The following PPP1R37 variants were observed in gnomAD, a reference collection of about 807,000 sequenced individuals.
PPP1R37 encodes leucine rich repeat containing 68.
Under a neutral mutation model 61.0 loss-of-function variants are expected in PPP1R37, and 21 were observed. The ratio of observed to expected loss-of-function variants is 0.34; its 90% CI spans 0.24 to 0.50. The LOEUF is 0.50. PPP1R37 is among the 20% of genes least tolerant of loss of function. The pLI, the probability that PPP1R37 is intolerant of heterozygous loss-of-function variation, is 0.98. For missense variants in PPP1R37, 910 were observed against 952.7 expected, an observed-to-expected ratio of 0.96 and a Z score of 0.59; for synonymous variants, 443 against 433.5, an observed-to-expected ratio of 1.02 and a Z score of -0.27.
In PPP1R37 at chr19:45,123,121, A is replaced by G. The variant is rs551816323; in HGVS notation, c.203-15393A>G. ...TCCCCTCCCTCCCTCCCTCCATCATAGCCTTGATGCTGTTCTGCCACTGCC... is the reference window on the plus strand; with the variant it reads ...TCCCCTCCCTCCCTCCCTCCATCATGGCCTTGATGCTGTTCTGCCACTGCC... On this transcript the variant is annotated intron_variant, in intron 1 of 12. Transcript: ENST00000221462. Among the ~76,000 whole-genome samples the G allele has an allele frequency of 3.5e-3, 525 of 150,406 alleles. 4 individuals carry two copies. The highest frequency in any genetic ancestry group is 0.012 in the African/African-American group (503 of 40,758).
intron 3 of PPP1R37, 70 bp from the exon 4 acceptor site, chr19:45,140,436 G>A (rs1216133329): frequency 3.8e-6 from 5 of 1,304,994 alleles, no homozygotes; most frequent in African/African-American, 2.9e-5. Flanking sequence ...GAGGTTGGGG[G>A]CAGAGGGCCC....
At chr19:45,112,095 A>G (rs371553330) in intron 1 of PPP1R37, among the ~76,000 whole-genome samples, 1 of 151,812 alleles carries the variant, frequency 6.6e-6, no homozygotes, top group Non-Finnish European at 1.5e-5. Context: ...CAGCCTCCCA[A>G]ATCCCAGCTG....
intron 1 of PPP1R37, among the ~76,000 whole-genome samples, chr19:45,118,908 C>T (rs114108969): frequency 0.01 from 1,549 of 151,914 alleles, 23 homozygotes; most frequent in African/African-American, 0.036. Context: ...CCTCCCGGCC[C>T]ACCTGCCGCC....
In PPP1R37 at chr19:45,146,423, A is replaced by G. The variant is rs928918433; in HGVS notation, c.2027A>G (p.Glu676Gly). 6.5e-6 allele frequency: 10 copies of G among 1,535,730 alleles called. No homozygotes were observed. The African/African-American group carries it at 8.2e-5, about 13-fold the overall frequency. ...TGCTCCAAGAACGAGAAGGAGCTCG[A>G]GGAGCTGCTTCTGGAAGCCAGTCAG... ...LSCSKNEKELEELLLEASQES... is the reference protein window; with the variant it reads ...LSCSKNEKELGELLLEASQES... The change falls in exon 12 of 13, where the codon GAG becomes GGG. Residue 676 changes from glutamate to glycine, a missense_variant. Physicochemically the swap from Glu to Gly is moderately conservative, Grantham distance 98 (BLOSUM62 -2). Coordinates refer to ENST00000221462, the MANE Select transcript of PPP1R37 (RefSeq NM_019121.2).
At chr19:45,145,317 C>T (rs778913516) in intron 10 of PPP1R37, 36 bp from the exon 11 acceptor site, 2 of 1,522,606 alleles carry the variant, frequency 1.3e-6, no homozygotes, top group South Asian at 1.2e-5. Context: ...GTGGTGGGGC[C>T]GGCCTGAGAG....
intron 1 of PPP1R37, among the ~76,000 whole-genome samples, chr19:45,103,493 T>G (rs902692609): frequency 6.6e-6 from 1 of 152,240 alleles, no homozygotes; most frequent in African/African-American, 2.4e-5. Flanking sequence ...CCCCTCCCTC[T>G]CTCCACGGTC....
chr19:45,145,525 C>G lies in PPP1R37; in HGVS notation c.1469C>G (p.Ala490Gly). The G allele has an allele frequency of 2.0e-6, 3 of 1,534,382 alleles. No homozygotes were observed. The highest frequency in any genetic ancestry group is 2.6e-6 in the Non-Finnish European group (3 of 1,146,110). Residue 490 changes from alanine (A) to glycine (G), a missense_variant, in exon 11 of 13, where the codon GCT becomes GGT. Physicochemically the swap from Ala to Gly is moderately conservative, Grantham distance 60. Coordinates refer to ENST00000221462, the MANE Select transcript of PPP1R37 (RefSeq NM_019121.2). ...TEPQPDDEPA[A>G]GVQNGAPSPA... ...CCCCAGCCCGACGACGAGCCCGCCG[C>G]TGGGGTGCAGAACGGGGCCCCCAGC...
intron 5 of PPP1R37, among the ~76,000 whole-genome samples, 188 bp from the exon 6 acceptor site, chr19:45,141,873 C>T (rs1387512108): frequency 6.6e-6 from 1 of 152,234 alleles, no homozygotes; most frequent in African/African-American, 2.4e-5. Flanking sequence ...TGAGCCTTCC[C>T]TCCCCAGCCA....
intron 1 of PPP1R37, chr19:45,136,364 G>C (rs1484692357): frequency 1.3e-5 from 2 of 152,148 alleles, no homozygotes; most frequent in African/African-American, 4.8e-5. Flanking sequence ...TTAATAAGAA[G>C]GAAATGCTAA....
chr19:45,141,578 C>A, intron 5 of PPP1R37, 137 bp downstream of exon 5: 2 of 1,190,512 alleles, frequency 1.7e-6, no homozygotes, highest in Non-Finnish European at 2.3e-6. Flanking sequence ...GGGCCTGGCC[C>A]TCAGGCCAGG....
chr19:45,134,621 C>T (rs1478655311), intron 1 of PPP1R37, among the ~76,000 whole-genome samples: 12 of 150,790 alleles, frequency 8.0e-5, no homozygotes, highest in East Asian at 2.0e-4. Context: ...TACAGTGGCA[C>T]GATCTCGGCT....
At chr19:45,107,048 A>C (rs1010171310) in intron 1 of PPP1R37, among the ~76,000 whole-genome samples, 1 of 150,064 alleles carries the variant, frequency 6.7e-6, no homozygotes, top group Non-Finnish European at 1.5e-5. Flanking sequence ...AATCTCCTGA[A>C]CTCGTGATCC....
Position 45,140,497 on chromosome 19 carries a change from TC to T in PPP1R37, c.347-3del, listed in dbSNP as rs1376158015. 3 of 1,532,844 alleles carry T rather than the reference TC, an allele frequency of 2.0e-6. No homozygotes were observed. Among genetic ancestry groups the T allele is most frequent in the Non-Finnish European group, 2.6e-6 (3 of 1,144,142 alleles). The allele number at this position is 1,532,844 out of a possible 1,614,324, so 95.0% of individuals were successfully genotyped here. On this transcript the variant is annotated splice_region_variant and splice_polypyrimidine_tract_variant and intron_variant, in intron 3 of 12. Transcript: ENST00000221462. ...CTTAGACATGCGCACGGCTGCTGTC[TC>T]CCCCCAGGTGAGAAGCTTGACTACA...
chr19:45,138,816 G>C (rs1485719778), intron 2 of PPP1R37, among the ~76,000 whole-genome samples: 1 of 151,632 alleles, frequency 6.6e-6, no homozygotes, highest in Non-Finnish European at 1.5e-5. Flanking sequence ...AGACATTCAG[G>C]TATCTGTCAG....
intron 1 of PPP1R37, among the ~76,000 whole-genome samples, chr19:45,107,071 C>T (rs565190415): frequency 6.6e-6 from 1 of 152,096 alleles, no homozygotes; most frequent in Non-Finnish European, 1.5e-5. Context: ...CCACCTTGGC[C>T]TCCCAAAGTG....
At chr19:45,104,034 G>A (rs1231858636) in intron 1 of PPP1R37, among the ~76,000 whole-genome samples, 1 of 152,000 alleles carries the variant, frequency 6.6e-6, no homozygotes, top group Admixed American at 6.6e-5. Flanking sequence ...CCCCTCGCTA[G>A]TCCCCTGCCC....
chr19:45,120,222 T>G (rs1239397080), intron 1 of PPP1R37, among the ~76,000 whole-genome samples: 4 of 152,222 alleles, frequency 2.6e-5, no homozygotes, highest in East Asian at 3.9e-4. Context: ...TTTCACTGTG[T>G]TAGCCAGGAT....
chr19:45,094,653 G>C (rs759265916), intron 1 of PPP1R37, among the ~76,000 whole-genome samples: 1 of 152,056 alleles, frequency 6.6e-6, no homozygotes, highest in African/African-American at 2.4e-5. Flanking sequence ...GTTTGAACCC[G>C]GGAGGTGGAG....
chr19:45,093,524 C>T lies in PPP1R37; in HGVS notation c.199C>T (p.His67Tyr), dbSNP rs1303586762. ...GAVEPKDPWRHAQNVTVDEVI... is the reference protein window; with the variant it reads ...GAVEPKDPWRYAQNVTVDEVI... The stretch of plus-strand genomic sequence containing the variant: ...AGTGGAGCCCAAAGACCCCTGGAGA[C>T]ATGGTAGCTACCGCGGGTGAAGCGG... The change falls in exon 1 of 13, where the codon CAT becomes TAT. Residue 67 changes from histidine to tyrosine, a missense_variant. Transcript: ENST00000221462. 11 of 1,533,572 alleles carry T rather than the reference C, an allele frequency of 7.2e-6. No individual in the cohort carries two copies. The Admixed American group carries it at 1.8e-4, about 25-fold the overall frequency. 95.0% of individuals were successfully genotyped at this position (1,533,572 alleles called of 1,614,324 possible).
Sources: allele counts gnomAD v4.1 joint callset (sites outside exome capture counted in the v4.1 genomes callset), GRCh38; gene constraint gnomAD v4.1.1; transcripts MANE v1.5; gene names NCBI Gene and HGNC (gene_info 2026-07-23, HGNC 2026-07-21).